SRBD1: variants seen among roughly 807,000 people sequenced by gnomAD.
SRBD1 encodes S1 RNA binding domain 1.
Under a neutral mutation model 115.3 loss-of-function variants are expected in SRBD1, and 88 were observed. The ratio of observed to expected loss-of-function variants is 0.76; its 90% CI spans 0.64 to 0.91. SRBD1 has a LOEUF of 0.91. SRBD1 is among the 40% of genes least tolerant of loss of function. SRBD1 has a pLI of 0.00. For synonymous variants in SRBD1, 509 were observed against 407.7 expected (o/e 1.25, Z -2.99); for missense variants, 1,385 against 1,177.4 (o/e 1.18, Z -2.58).
At chr2:45,446,591 C>CAAA (rs1475001255) in intron 16 of SRBD1, among the ~76,000 whole-genome samples, 1 of 151,584 alleles carries the variant, frequency 6.6e-6, no homozygotes, top group Non-Finnish European at 1.5e-5. Flanking sequence ...AAATATATAG[C>CAAA]AAAAGATAAT....
intron 14 of SRBD1, among the ~76,000 whole-genome samples, chr2:45,510,808 G>C (rs1260942910): frequency 6.6e-6 from 1 of 152,118 alleles, no homozygotes; most frequent in African/African-American, 2.4e-5. Context: ...CTATTGATAT[G>C]TAAAATTAGC....
chr2:45,521,935 T>C (rs957108755), intron 14 of SRBD1, among the ~76,000 whole-genome samples: 2 of 151,050 alleles, frequency 1.3e-5, no homozygotes, highest in Non-Finnish European at 2.9e-5. Context: ...GCCACTGCAC[T>C]CTAGCCTGGA....
intron 14 of SRBD1, among the ~76,000 whole-genome samples, chr2:45,528,329 A>C (rs1003661636): frequency 1.3e-5 from 2 of 151,886 alleles, no homozygotes; most frequent in Non-Finnish European, 2.9e-5. Context: ...GAAGAATGGT[A>C]AACAAGAAGA....
At chr2:45,406,012 GAGA>G (rs1373925220) in intron 19 of SRBD1, among the ~76,000 whole-genome samples, 1 of 152,176 alleles carries the variant, frequency 6.6e-6, no homozygotes, top group Non-Finnish European at 1.5e-5. Flanking sequence ...CAAAAATGAT[GAGA>G]AGAAGTGAAG....
chr2:45,576,436 G>C (rs188938775), intron 7 of SRBD1, among the ~76,000 whole-genome samples: 2 of 152,060 alleles, frequency 1.3e-5, no homozygotes, highest in African/African-American at 2.4e-5. Flanking sequence ...GGAGTCGGGG[G>C]GGGTGGGGGT....
At chr2:45,471,611 A>T (rs1257869671) in intron 16 of SRBD1, among the ~76,000 whole-genome samples, 1 of 152,130 alleles carries the variant, frequency 6.6e-6, no homozygotes, top group Non-Finnish European at 1.5e-5. Flanking sequence ...AGTAATTTAG[A>T]CTTCTACCAG....
At chr2:45,543,475 G>A (rs1014631683) in intron 14 of SRBD1, among the ~76,000 whole-genome samples, 5 of 152,178 alleles carry the variant, frequency 3.3e-5, no homozygotes, top group African/African-American at 1.2e-4. Flanking sequence ...TGGTAGATAT[G>A]GCTGGAAAAG....
At chr2:45,525,173 TA>T (rs1238413994) in intron 14 of SRBD1, among the ~76,000 whole-genome samples, 1 of 152,008 alleles carries the variant, frequency 6.6e-6, no homozygotes, top group African/African-American at 2.4e-5. Context: ...ATGTAGGCAC[TA>T]AAACTATTAA....
intron 2 of SRBD1, among the ~76,000 whole-genome samples, chr2:45,602,791 A>C (rs1674140462): frequency 1.3e-5 from 2 of 152,188 alleles, no homozygotes; most frequent in Non-Finnish European, 2.9e-5. Context: ...GTAAAAGGTC[A>C]ATATTAGTGA....
At chr2:45,452,305 T>C (rs140767259) in intron 16 of SRBD1, among the ~76,000 whole-genome samples, 181 of 152,096 alleles carry the variant, frequency 1.2e-3, no homozygotes, top group African/African-American at 4.1e-3. Flanking sequence ...TTAACCTTCT[T>C]ATTTCTAAGC....
At chr2:45,546,481 T>C (rs1296426813) in intron 14 of SRBD1, 4 of 487,978 alleles carry the variant, frequency 8.2e-6, no homozygotes, top group Non-Finnish European at 1.1e-5. Flanking sequence ...GAAAATCCAA[T>C]GAAACTGAGC....
intron 16 of SRBD1, among the ~76,000 whole-genome samples, chr2:45,451,160 T>C (rs1006747759): frequency 6.6e-6 from 1 of 152,074 alleles, no homozygotes; most frequent in Admixed American, 6.6e-5. Context: ...AACTCATTAA[T>C]ATGAAATTGT....
At chr2:45,512,428 T>C (rs1194405338) in intron 14 of SRBD1, among the ~76,000 whole-genome samples, 1 of 152,184 alleles carries the variant, frequency 6.6e-6, no homozygotes, top group Non-Finnish European at 1.5e-5. Context: ...AAACTGAATC[T>C]ATGAAGGATA....
At chr2:45,441,755 G>A (rs1218135884) in intron 16 of SRBD1, among the ~76,000 whole-genome samples, 1 of 152,110 alleles carries the variant, frequency 6.6e-6, no homozygotes, top group African/African-American at 2.4e-5. Flanking sequence ...ATTGCTTGAG[G>A]GCATTACAGC....
At chr2:45,433,145 C>T (rs1171521548) in intron 16 of SRBD1, among the ~76,000 whole-genome samples, 1 of 152,122 alleles carries the variant, frequency 6.6e-6, no homozygotes, top group Non-Finnish European at 1.5e-5. Context: ...TCTCTTCCTG[C>T]CCCTTAGTAC....
At chr2:45,523,882 C>T in intron 14 of SRBD1, among the ~76,000 whole-genome samples, 1 of 151,658 alleles carries the variant, frequency 6.6e-6, no homozygotes, top group Non-Finnish European at 1.5e-5. Context: ...GGAAAAATAC[C>T]AAATAATATC....
intron 16 of SRBD1, among the ~76,000 whole-genome samples, chr2:45,421,065 TA>T (rs1414315176): frequency 6.6e-6 from 1 of 152,166 alleles, no homozygotes; most frequent in African/African-American, 2.4e-5. Context: ...GTTTGTTAAC[TA>T]AAACAGTGAA....
chr2:45,451,215 T>C (rs917075207), intron 16 of SRBD1, among the ~76,000 whole-genome samples: 1 of 152,108 alleles, frequency 6.6e-6, no homozygotes, highest in African/African-American at 2.4e-5. Context: ...TTTTTTTTAA[T>C]TGCACTTGAA....
At chr2:45,588,362 G>A (rs894785770) in intron 4 of SRBD1, among the ~76,000 whole-genome samples, 1 of 152,140 alleles carries the variant, frequency 6.6e-6, no homozygotes, top group Non-Finnish European at 1.5e-5. Flanking sequence ...CAGTTACTTT[G>A]CTCTTAAGAG....
Sources: allele counts gnomAD v4.1 joint callset (sites outside exome capture counted in the v4.1 genomes callset), GRCh38; gene constraint gnomAD v4.1.1; transcripts MANE v1.5; gene names NCBI Gene and HGNC (gene_info 2026-07-23, HGNC 2026-07-21).